Variants in SYCP2L observed in about 807,000 individuals in gnomAD.
SYCP2L encodes synaptonemal complex protein 2 like.
A neutral mutation model predicts 125.8 loss-of-function variants in SYCP2L; 98 were observed. The observed-to-expected ratio is 0.78, with a 90% CI of 0.66 to 0.92. The LOEUF (loss-of-function observed/expected upper bound fraction) is 0.92, where lower values mean the gene tolerates loss of function less well. Ranked by LOEUF, SYCP2L falls within the 40% of genes least tolerant of loss-of-function variation. SYCP2L has a pLI of 0.00. For missense variants in SYCP2L, 842 were observed against 936.4 expected, an observed-to-expected ratio of 0.90 and a Z score of 1.32; for synonymous variants, 317 against 325.4, an observed-to-expected ratio of 0.97 and a Z score of 0.28.
intron 21 of SYCP2L, among the ~76,000 whole-genome samples, chr6:10,938,730 A>G (rs555306463): frequency 1.3e-5 from 2 of 152,366 alleles, no homozygotes; most frequent in South Asian, 4.1e-4. Flanking sequence ...TCAACATACA[A>G]AAATCAGTTG....
At chr6:10,895,835 T>C (rs1780249504) in intron 4 of SYCP2L, among the ~76,000 whole-genome samples, 1 of 151,420 alleles carries the variant, frequency 6.6e-6, no homozygotes, top group Non-Finnish European at 1.5e-5. Flanking sequence ...GAACACAAAG[T>C]GTGCTCGGAA....
intron 21 of SYCP2L, among the ~76,000 whole-genome samples, chr6:10,938,554 C>T (rs369661189): frequency 6.6e-6 from 1 of 152,162 alleles, no homozygotes; most frequent in Admixed American, 6.5e-5. Flanking sequence ...AAGTCCTACC[C>T]AGTTCTATCC....
At position 10,893,872 on chromosome 6, in the gene SYCP2L, A is replaced by G. The variant is rs923917136; in HGVS notation, c.84A>G (p.Gln28=). 15 of 1,605,886 alleles carry G rather than the reference A, an allele frequency of 9.3e-6. No homozygotes were observed. Among genetic ancestry groups the G allele is most frequent in the African/African-American group, 1.3e-5 (1 of 74,462 alleles). Residue 28 remains glutamine, a synonymous_variant, in exon 3 of 30, where the codon CAA becomes CAG. Transcript: ENST00000283141. ...GKAQDDAFWL[Q]SLITDAFHDK... The stretch of plus-strand genomic sequence containing the variant: ...GCAAACTATCATCTTTCCAGCTTCA[A>G]TCACTTATTACGGATGCATTCCATG...
chr6:10,929,150 C>G (rs1215854743), intron 18 of SYCP2L, among the ~76,000 whole-genome samples: 1 of 152,198 alleles, frequency 6.6e-6, no homozygotes, highest in African/African-American at 2.4e-5. Context: ...CTCCGCCTCC[C>G]AAAGTGCTGG....
chr6:10,971,457 C>CAAAAAAAAAAAAAA (rs564161444), intron 29 of SYCP2L, among the ~76,000 whole-genome samples: 2 of 99,376 alleles, frequency 2.0e-5, no homozygotes, highest in East Asian at 2.7e-4. Flanking sequence ...GACTCTGTCT[C>CAAAAAAAAAAAAAA]AAAAAAAAAA....
Position 10,894,189 on chromosome 6 carries a change from G to T in SYCP2L, c.321G>T (p.Gln107His). The change falls in exon 4 of 30, where the codon CAG becomes CAT. Residue 107 changes from glutamine to histidine, a missense_variant. By Grantham distance (24) the Gln-to-His change is conservative. Transcript: ENST00000283141. ...AAGATGAACCTCTGCTAATTCGGCA[G>T]GGACTGATCCCAAAGATAAGTGTCC... is the stretch of plus-strand genomic sequence containing the variant. ...LKEDEPLLIR[Q>H]GLIPKLVSWF... 1 of 1,613,006 alleles carries T rather than the reference G, an allele frequency of 6.2e-7. No homozygotes were observed. Among genetic ancestry groups the T allele is most frequent in the South Asian group, 1.1e-5 (1 of 90,632 alleles).
chr6:10,911,151 A>G (rs1472152996), intron 12 of SYCP2L, among the ~76,000 whole-genome samples: 2 of 151,926 alleles, frequency 1.3e-5, no homozygotes, highest in Non-Finnish European at 2.9e-5. Flanking sequence ...GCCTCATTTT[A>G]CCCTATTCAT....
At chr6:10,919,599 G>A (rs1439482123) in intron 14 of SYCP2L, among the ~76,000 whole-genome samples, 1 of 152,234 alleles carries the variant, frequency 6.6e-6, no homozygotes, top group Non-Finnish European at 1.5e-5. Context: ...CTATGGTAGT[G>A]TAGGGAGGAA....
chr6:10,926,366 T>G lies in SYCP2L; in HGVS notation c.1246T>G (p.Ser416Ala). Residue 416 changes from serine to alanine, a missense_variant, in exon 16 of 30, where the codon TCA becomes GCA. Coordinates refer to ENST00000283141, the MANE Select transcript of SYCP2L (RefSeq NM_001040274.3). ...GTTGCCTGACCAGACGAAAATCTCC[T>G]CAGAACTTTTTAGTAAGTCTGATAA... ...QMLPDQTKIS[S>A]ELFSKSDKED... is the part of the protein sequence containing the mutation. 1 of 1,613,858 alleles carries G rather than the reference T, an allele frequency of 6.2e-7. No individual in the cohort carries two copies. Among genetic ancestry groups the G allele is most frequent in the Non-Finnish European group, 8.5e-7 (1 of 1,179,850 alleles).
At chr6:10,938,717 A>G (rs1781154106) in intron 21 of SYCP2L, among the ~76,000 whole-genome samples, 1 of 152,260 alleles carries the variant, frequency 6.6e-6, no homozygotes, top group Non-Finnish European at 1.5e-5. Flanking sequence ...GCAGGATACA[A>G]AATCAACATA....
chr6:10,889,940 C>T (rs966531919), intron 1 of SYCP2L, among the ~76,000 whole-genome samples: 1 of 152,116 alleles, frequency 6.6e-6, no homozygotes, highest in Non-Finnish European at 1.5e-5. Context: ...TTTTTAGCCT[C>T]TACATGTGAT....
chr6:10,918,238 C>T (rs529289219), intron 14 of SYCP2L, among the ~76,000 whole-genome samples: 26 of 151,360 alleles, frequency 1.7e-4, no homozygotes, highest in African/African-American at 6.3e-4. Context: ...AACCTGATGA[C>T]AATGTGCCTC....
In SYCP2L at chr6:10,911,673, A is replaced by C. The variant is rs146434212; in HGVS notation, c.918+804A>C. 5.8e-3 allele frequency among the ~76,000 whole-genome samples: 882 copies of C among 152,126 alleles called. 10 individuals carry two copies. Among genetic ancestry groups the C allele is most frequent in the African/African-American group, 0.02 (828 of 41,508 alleles). On this transcript the variant is annotated intron_variant, in intron 12 of 29. Coordinates refer to ENST00000283141, the MANE Select transcript of SYCP2L (RefSeq NM_001040274.3). ...CTGTTTGGTTTTTCTTCTTTCTATG[A>C]CATCCAAATTTCCATTCACTTCCAT...
rs762396708 is a variant in SYCP2L, at chr6:10,963,822, G to A, written c.*16G>A. 2.2e-5 allele frequency: 35 copies of A among 1,613,770 alleles called. No individual in the cohort carries two copies. Among genetic ancestry groups the A allele is most frequent in the Non-Finnish European group, 2.6e-5 (31 of 1,179,852 alleles). On this transcript the variant is annotated 3_prime_UTR_variant, in exon 29 of 30. Transcript: ENST00000283141. ...GACTTCATAAGAAAGCCAAAGCCTG[G>A]TTTTATGATTGCAGCCCTCAGGTAG...
intron 6 of SYCP2L, among the ~76,000 whole-genome samples, chr6:10,901,590 A>G (rs1312956597): frequency 3.3e-5 from 5 of 152,188 alleles, no homozygotes; most frequent in Non-Finnish European, 7.3e-5. Flanking sequence ...CCTGCGCATC[A>G]GAGGGTGTTT....
At chr6:10,934,931 T>TTTA in intron 20 of SYCP2L, 127 bp from the exon 21 acceptor site, 1 of 898,488 alleles carries the variant, frequency 1.1e-6, no homozygotes, top group Non-Finnish European at 1.6e-6. Flanking sequence ...AGAATTAGCA[T>TTTA]TTATTTTCAA....
At chr6:10,947,321 A>C (rs1781332920) in intron 23 of SYCP2L, among the ~76,000 whole-genome samples, 1 of 152,076 alleles carries the variant, frequency 6.6e-6, no homozygotes, top group Non-Finnish European at 1.5e-5. Context: ...CAAGTTACTT[A>C]AGTTCACTAG....
At position 10,955,199 on chromosome 6, in the gene SYCP2L, GAAGA is replaced by G; in HGVS notation, c.2043_2046del (p.Arg682SerfsTer11). On this transcript the variant is annotated frameshift_variant, in exon 24 of 30. Coordinates refer to ENST00000283141, the MANE Select transcript of SYCP2L (RefSeq NM_001040274.3). LOFTEE classifies it high-confidence loss of function. ...TCCGGGATCCCCTTTCTCAATAACA[GAAGA>G]AAGAGAGTTGCCAGGTAACATCATG... 3 of 1,611,474 alleles carry G rather than the reference GAAGA, an allele frequency of 1.9e-6. No homozygotes were observed. The highest frequency in any genetic ancestry group is 2.5e-6 in the Non-Finnish European group (3 of 1,177,634).
chr6:10,945,698 A>T (rs1278400441), intron 23 of SYCP2L, among the ~76,000 whole-genome samples: 1 of 147,748 alleles, frequency 6.8e-6, no homozygotes, highest in African/African-American at 2.5e-5. Context: ...TAAACCCAGG[A>T]GGCGGAGGTT....
Sources: allele counts gnomAD v4.1 joint callset (sites outside exome capture counted in the v4.1 genomes callset), GRCh38; gene constraint gnomAD v4.1.1; transcripts MANE v1.5; gene names NCBI Gene and HGNC (gene_info 2026-07-23, HGNC 2026-07-21).